Variants in GGA2 observed in about 807,000 individuals in gnomAD.
GGA2 encodes the protein golgi associated, gamma adaptin ear containing, ARF binding protein 2.
A neutral mutation model predicts 79.5 loss-of-function variants in GGA2; 48 were observed. That is an observed-to-expected ratio of 0.60 (90% CI 0.48 to 0.77). GGA2 has a LOEUF of 0.77. Among genes scored for constraint, GGA2 ranks in the 30% least tolerant of loss-of-function variants. The pLI, the probability that GGA2 is intolerant of heterozygous loss-of-function variation, is 0.00. For missense variants in GGA2, 770 were observed against 774.0 expected, an observed-to-expected ratio of 0.99 and a Z score of 0.06; for synonymous variants, 317 against 302.0, an observed-to-expected ratio of 1.05 and a Z score of -0.51.
rs560798519 is a variant in GGA2 at position 23,480,519 on chromosome 16, G to T, written c.1006+126C>A. The T allele has an allele frequency of 5.1e-6, 4 of 783,864 alleles. No individual in the cohort carries two copies. In the East Asian group the frequency reaches 8.0e-5, roughly 16 times the overall value. The allele number at this position is 783,864 out of a possible 1,614,324, so 48.6% of individuals were successfully genotyped here. On this transcript the variant is annotated intron_variant, in intron 10 of 16. Transcript: ENST00000309859. ...GGCAACATATCCACTTTCACAGGAAGGGGAACAAAGGGCGAGTTCTCTCAT... is the reference window on the plus strand; with the variant it reads ...GGCAACATATCCACTTTCACAGGAATGGGAACAAAGGGCGAGTTCTCTCAT...
chr16:23,474,543 A>G (rs1305147181), intron 14 of GGA2, among the ~76,000 whole-genome samples: 2 of 151,922 alleles, frequency 1.3e-5, no homozygotes, highest in African/African-American at 2.4e-5. Flanking sequence ...TTTTTTGTAG[A>G]GAGAGGGCTT....
intron 15 of GGA2, 75 bp from the exon 16 acceptor site, chr16:23,469,071 G>C (rs1220408899): frequency 4.3e-6 from 4 of 930,874 alleles, no homozygotes; most frequent in African/African-American, 1.6e-5. Context: ...GTGAGGGGGA[G>C]CTGGACCTCC....
chr16:23,499,214 G>T (rs910301249), intron 1 of GGA2, among the ~76,000 whole-genome samples: 5 of 148,550 alleles, frequency 3.4e-5, no homozygotes, highest in Admixed American at 6.8e-5. Flanking sequence ...GCACAATCTC[G>T]GCTCGCTGCA....
intron 8 of GGA2, among the ~76,000 whole-genome samples, chr16:23,484,711 A>G (rs1012784038): frequency 5.3e-5 from 8 of 152,244 alleles, no homozygotes; most frequent in African/African-American, 1.9e-4. Flanking sequence ...TCAAAAAGAT[A>G]ACAGCAAATG....
At chr16:23,511,415 T>A (rs1181703977), upstream of GGA2, among the ~76,000 whole-genome samples, 1 of 151,638 alleles carries the variant, frequency 6.6e-6, no homozygotes, top group Non-Finnish European at 1.5e-5. Context: ...CGCTTCGCCC[T>A]CCCAAAGTGC....
At chr16:23,483,654 GT>G (rs1010660532) in intron 8 of GGA2, among the ~76,000 whole-genome samples, 4 of 150,616 alleles carry the variant, frequency 2.7e-5, no homozygotes, top group Non-Finnish European at 1.5e-5. Flanking sequence ...TGTTTTTTTG[GT>G]TTTTTTTTGA....
intron 1 of GGA2, among the ~76,000 whole-genome samples, chr16:23,498,933 A>T (rs1596992599): frequency 6.6e-6 from 1 of 152,224 alleles, no homozygotes; most frequent in Non-Finnish European, 1.5e-5. Context: ...TACAAGGTCA[A>T]GGTTGACACC....
chr16:23,511,450 C>T (rs894315522), upstream of GGA2, among the ~76,000 whole-genome samples: 25 of 151,502 alleles, frequency 1.7e-4, no homozygotes, highest in Admixed American at 1.2e-3. Context: ...TGAGCCACCA[C>T]GCCCGGCCTA....
upstream of GGA2, among the ~76,000 whole-genome samples, chr16:23,511,734 GATT>G (rs1252926512): frequency 6.6e-6 from 1 of 152,028 alleles, no homozygotes; most frequent in Non-Finnish European, 1.5e-5. Context: ...AGTATGTCAT[GATT>G]ATCATAATTA....
intron 11 of GGA2, 127 bp from the exon 12 acceptor site, chr16:23,479,038 T>C: frequency 1.4e-6 from 1 of 708,962 alleles, no homozygotes; most frequent in Non-Finnish European, 2.6e-6. Context: ...TTACTGAAGG[T>C]CATGTGACTC....
At chr16:23,495,499 G>C in intron 2 of GGA2, 195 bp downstream of exon 2, 1 of 386,458 alleles carries the variant, frequency 2.6e-6, no homozygotes, top group South Asian at 1.2e-4. Context: ...CTCTCACTCT[G>C]TCACCCAGGC....
chr16:23,511,025 G>GTGTGTC (rs1274575013), upstream of GGA2, among the ~76,000 whole-genome samples: 2 of 136,652 alleles, frequency 1.5e-5, no homozygotes, highest in Non-Finnish European at 3.2e-5. Flanking sequence ...CCGTGTGTGT[G>GTGTGTC]TGTGTGTGTG....
intron 14 of GGA2, among the ~76,000 whole-genome samples, chr16:23,473,077 A>G (rs368632104): frequency 3.5e-4 from 53 of 151,206 alleles, no homozygotes; most frequent in African/African-American, 1.2e-3. Context: ...CAGTACCTCT[A>G]CTTAATAGTG....
chr16:23,506,381 A>G lies in GGA2; in HGVS notation c.91+3940T>C, dbSNP rs571453013. On this transcript the variant is annotated intron_variant, in intron 1 of 16. Coordinates refer to ENST00000309859, the MANE Select transcript of GGA2 (RefSeq NM_015044.4). ...CCTACTCCCAGAAGAAAACAACAAC[A>G]AATACAGCCATGAAGACTGCAACCC... is the stretch of plus-strand genomic sequence containing the variant. 1.6e-3 allele frequency among the ~76,000 whole-genome samples: 244 copies of G among 152,238 alleles called. 2 individuals are homozygous for G. The highest frequency in any genetic ancestry group is 5.7e-3 in the African/African-American group (237 of 41,542).
intron 1 of GGA2, among the ~76,000 whole-genome samples, chr16:23,509,867 C>T (rs968854030): frequency 3.3e-5 from 5 of 151,728 alleles, no homozygotes; most frequent in African/African-American, 1.2e-4. Context: ...AGAGATCTTT[C>T]TCAGCCCCAA....
At chr16:23,471,873 C>G (rs978014404) in intron 14 of GGA2, among the ~76,000 whole-genome samples, 3 of 152,044 alleles carry the variant, frequency 2.0e-5, no homozygotes, top group African/African-American at 7.2e-5. Context: ...TGTGCCACCG[C>G]ACTCCTGCCT....
At position 23,486,735 on chromosome 16, in the gene GGA2, C is replaced by T. The variant is rs549649016; in HGVS notation, c.635G>A (p.Arg212Gln). The change falls in exon 7 of 17, where the codon CGG becomes CAG. Residue 212 changes from arginine to glutamine, a missense_variant. Arg to Gln is a conservative substitution (Grantham distance 43). Transcript: ENST00000309859. ...CTCCTTGACCAAATTCTTGATTAAC[C>T]GGTTTGCAGCCTGAAGGTCCTCGGG... is the stretch of plus-strand genomic sequence containing the variant. Reference protein sequence around the residue: ...NHPEDLQAANRLIKNLVKEEQ... With the variant: ...NHPEDLQAANQLIKNLVKEEQ... 29 of 1,609,896 alleles carry T rather than the reference C, an allele frequency of 1.8e-5. No homozygotes were observed. The highest frequency in any genetic ancestry group is 5.5e-5 in the South Asian group (5 of 91,010).
In GGA2 at chr16:23,467,427, CA is replaced by C; in HGVS notation, c.*162del. 1 of 614,154 alleles carries C rather than the reference CA, an allele frequency of 1.6e-6. No individual in the cohort carries two copies. The highest frequency in any genetic ancestry group is 2.9e-5 in the East Asian group (1 of 35,008). 38.0% of individuals were successfully genotyped at this position (614,154 alleles called of 1,614,324 possible). A position where few individuals can be genotyped will look rare whatever the true frequency, so the allele number is the denominator to read the frequency against. ...ACACACACACACACACACACACACA[CA>C]CACACAGAGCATCTGCAGAATAAGT... On this transcript the variant is annotated 3_prime_UTR_variant, in exon 17 of 17. Coordinates refer to ENST00000309859, the MANE Select transcript of GGA2 (RefSeq NM_015044.4).
chr16:23,514,464 T>C (rs144374508), upstream of GGA2, among the ~76,000 whole-genome samples: 3 of 152,102 alleles, frequency 2.0e-5, no homozygotes, highest in African/African-American at 7.2e-5. Context: ...CCTTTTTTTT[T>C]TGAGACAGGG....
Sources: allele counts gnomAD v4.1 joint callset (sites outside exome capture counted in the v4.1 genomes callset), GRCh38; gene constraint gnomAD v4.1.1; transcripts MANE v1.5; gene names NCBI Gene and HGNC (gene_info 2026-07-23, HGNC 2026-07-21).